KLHL20: variants seen among roughly 807,000 people sequenced by gnomAD.
The protein encoded by KLHL20 is kelch like family member 20, also known as kelch-like protein 20.
Under a neutral mutation model 69.5 loss-of-function variants are expected in KLHL20, and 29 were observed. The observed-to-expected ratio is 0.42, with a 90% confidence interval of 0.31 to 0.57. The LOEUF (loss-of-function observed/expected upper bound fraction) is 0.57, where lower values mean the gene tolerates loss of function less well. Among genes scored for constraint, KLHL20 ranks in the 20% least tolerant of loss-of-function variants. The pLI, the probability that KLHL20 is intolerant of heterozygous loss-of-function variation, is 0.18. For synonymous variants in KLHL20, 253 were observed against 265.2 expected, an observed-to-expected ratio of 0.95 and a Z score of 0.45; for missense variants, 419 against 776.0, an observed-to-expected ratio of 0.54 and a Z score of 5.47.
chr1:173,742,985 C>T (rs1288528325), intron 3 of KLHL20, among the ~76,000 whole-genome samples: 3 of 150,920 alleles, frequency 2.0e-5, no homozygotes, highest in Non-Finnish European at 4.4e-5. Flanking sequence ...AAATCAATGT[C>T]AAACTCAGAA....
At chr1:173,730,951 A>C (rs1672243363) in intron 2 of KLHL20, among the ~76,000 whole-genome samples, 1 of 152,190 alleles carries the variant, frequency 6.6e-6, no homozygotes, top group African/African-American at 2.4e-5. Context: ...GAATGGGAGA[A>C]AATTTTTGCA....
At chr1:173,759,905 G>A (rs1038541128) in intron 7 of KLHL20, among the ~76,000 whole-genome samples, 1 of 152,144 alleles carries the variant, frequency 6.6e-6, no homozygotes, top group Non-Finnish European at 1.5e-5. Flanking sequence ...GAATTCAGGA[G>A]GTTAGTTATT....
At chr1:173,722,581 C>T (rs567016036) in intron 2 of KLHL20, among the ~76,000 whole-genome samples, 1 of 151,900 alleles carries the variant, frequency 6.6e-6, no homozygotes, top group East Asian at 1.9e-4. Flanking sequence ...CATACCACTG[C>T]ACTTCATCCT....
At position 173,735,273 on chromosome 1, in the gene KLHL20, C is replaced by T. The variant is rs563347437; in HGVS notation, c.597+987C>T. 1.5e-4 allele frequency among the ~76,000 whole-genome samples: 23 copies of T among 152,186 alleles called. 1 individual carries two copies. Among genetic ancestry groups the T allele is most frequent in the African/African-American group, 5.1e-4 (21 of 41,542 alleles). The stretch of plus-strand genomic sequence containing the variant: ...CTAGCCTGGGCAACATGGCGAAACC[C>T]TGTCTCTACAAAAAATACAAAAATT... On this transcript the variant is annotated intron_variant, in intron 3 of 11. Coordinates refer to ENST00000209884, the MANE Select transcript of KLHL20 (RefSeq NM_014458.4).
chr1:173,734,515 TA>T (rs1672435095), intron 3 of KLHL20: 2 of 505,662 alleles, frequency 4.0e-6, no homozygotes, highest in East Asian at 7.0e-5. Context: ...TTCATAAAAG[TA>T]TTTAAAAAAA....
rs554181699 is a variant in KLHL20 at position 173,719,383 on chromosome 1, C to T, written c.23+3317C>T. ...ATCCCAGCACTTTGGGAGGCTGAGG[C>T]GGGCAGATCACAAGGTCAAGAGATC... On this transcript the variant is annotated intron_variant, in intron 2 of 11. Transcript: ENST00000209884. Among the ~76,000 whole-genome samples, 13 of 151,870 alleles carry T rather than the reference C, an allele frequency of 8.6e-5. No homozygotes were observed. The South Asian group carries it at 2.7e-3, about 32-fold the overall frequency.
At position 173,718,540 on chromosome 1, in the gene KLHL20, T is replaced by G. The variant is rs553306263; in HGVS notation, c.23+2474T>G. ...CAACCTGGGCAACAGAGCAAGACAG[T>G]GTCTCAAAAAAAAAAAAAAAAGACA... On this transcript the variant is annotated intron_variant, in intron 2 of 11. Coordinates refer to ENST00000209884, the MANE Select transcript of KLHL20 (RefSeq NM_014458.4). Among the ~76,000 whole-genome samples the G allele has an allele frequency of 2.0e-5, 3 of 146,390 alleles. No individual in the cohort carries two copies. The South Asian group carries it at 6.5e-4, about 32-fold the overall frequency.
At chr1:173,774,062 TC>T (rs1438225816) in intron 8 of KLHL20, among the ~76,000 whole-genome samples, 3 of 151,236 alleles carry the variant, frequency 2.0e-5, no homozygotes, top group Non-Finnish European at 4.4e-5. Flanking sequence ...TGAGCTGAAG[TC>T]ATAGGTTGTT....
At chr1:173,767,590 G>A (rs761807887) in intron 8 of KLHL20, among the ~76,000 whole-genome samples, 4 of 152,088 alleles carry the variant, frequency 2.6e-5, no homozygotes, top group Non-Finnish European at 1.5e-5. Context: ...TCTAACAGGT[G>A]TGACATGGTA....
At chr1:173,740,572 A>G (rs961086594) in intron 3 of KLHL20, among the ~76,000 whole-genome samples, 75 of 152,050 alleles carry the variant, frequency 4.9e-4, no homozygotes, top group African/African-American at 1.6e-3. Flanking sequence ...TGTATCCCAC[A>G]GGTTTTGATA....
chr1:173,741,096 A>G (rs1672790497), intron 3 of KLHL20, among the ~76,000 whole-genome samples: 1 of 152,224 alleles, frequency 6.6e-6, no homozygotes, highest in African/African-American at 2.4e-5. Flanking sequence ...TTCACCAGTG[A>G]GGATGTGTGT....
At chr1:173,743,936 A>C (rs1240516968) in intron 3 of KLHL20, among the ~76,000 whole-genome samples, 1 of 152,116 alleles carries the variant, frequency 6.6e-6, no homozygotes, top group Non-Finnish European at 1.5e-5. Flanking sequence ...GGTAGCTTTA[A>C]ATATTTTGCC....
chr1:173,774,476 C>T, intron 9 of KLHL20, 38 bp downstream of exon 9: 1 of 1,611,766 alleles, frequency 6.2e-7, no homozygotes, highest in Non-Finnish European at 8.5e-7. Flanking sequence ...TCCCCAAAAG[C>T]AGAACATTTT....
chr1:173,765,738 G>C (rs1018736566), intron 7 of KLHL20, among the ~76,000 whole-genome samples: 2 of 152,032 alleles, frequency 1.3e-5, no homozygotes, highest in African/African-American at 4.8e-5. Context: ...AAAACGTTGA[G>C]GGAAAAAGCA....
intron 3 of KLHL20, among the ~76,000 whole-genome samples, chr1:173,735,733 T>C (rs1298210525): frequency 6.6e-6 from 1 of 151,996 alleles, no homozygotes; most frequent in Non-Finnish European, 1.5e-5. Flanking sequence ...CAATGTGTAG[T>C]CTTTTATCTC....
intron 10 of KLHL20, among the ~76,000 whole-genome samples, chr1:173,781,758 A>G (rs1648894944): frequency 6.6e-6 from 1 of 152,168 alleles, no homozygotes; most frequent in South Asian, 2.1e-4. Context: ...ATGAGGTACC[A>G]TGCCTGGCCT....
intron 3 of KLHL20, among the ~76,000 whole-genome samples, chr1:173,750,976 C>CA (rs1471388304): frequency 6.6e-6 from 1 of 152,176 alleles, no homozygotes; most frequent in Admixed American, 6.5e-5. Flanking sequence ...GAGAATCCAT[C>CA]AACTTCATTA....
At chr1:173,747,248 C>T (rs1673104941) in intron 3 of KLHL20, among the ~76,000 whole-genome samples, 2 of 151,858 alleles carry the variant, frequency 1.3e-5, no homozygotes, top group Admixed American at 1.3e-4. Flanking sequence ...TTCTATATTC[C>T]TTTTTTGTCC....
chr1:173,733,854 G>T lies in KLHL20; in HGVS notation c.165G>T (p.Leu55Phe), dbSNP rs1277410964. Reference protein sequence around the residue: ...YISDKHPRQTLEVINLLRKHR... With the variant: ...YISDKHPRQTFEVINLLRKHR... ...CAGACAAGCACCCTCGACAAACCTT[G>T]GAAGTGATTAACCTTCTGAGAAAGC... The change falls in exon 3 of 12, where the codon TTG becomes TTT. Residue 55 changes from leucine to phenylalanine, a missense_variant. By Grantham distance (22) the Leu-to-Phe change is conservative (BLOSUM62 0). Coordinates refer to ENST00000209884, the MANE Select transcript of KLHL20 (RefSeq NM_014458.4). 5.0e-6 allele frequency: 8 copies of T among 1,614,072 alleles called. No homozygotes were observed. The South Asian group carries it at 8.8e-5, about 18-fold the overall frequency.
Sources: gnomAD v4.1 joint callset for allele counts (sites outside exome capture counted in the v4.1 genomes callset) on GRCh38, gnomAD v4.1.1 for gene constraint, MANE v1.5 for transcripts, NCBI Gene and HGNC (gene_info 2026-07-23, HGNC 2026-07-21) for gene names.